CSTPP1: variants seen among roughly 807,000 people sequenced by gnomAD.
CSTPP1 encodes UPF0705 protein C11orf49.
the CSTPP1 span, chr11:47,159,574 A>G: frequency 2.2e-6 from 1 of 455,108 alleles, no homozygotes; most frequent in South Asian, 1.6e-5. Flanking sequence ...GGCGGGTGGG[A>G]TCTGCCCTGG....
the CSTPP1 span, among the ~76,000 whole-genome samples, chr11:47,144,980 A>ATT: frequency 0.26 from 24,345 of 92,496 alleles, 6,716 homozygotes; most frequent in Non-Finnish European, 0.36. Context: ...ATTGCCTGCC[A>ATT]TTTTTTTTTT....
the CSTPP1 span, among the ~76,000 whole-genome samples, chr11:46,978,579 C>T: frequency 6.6e-6 from 1 of 152,206 alleles, no homozygotes; most frequent in African/African-American, 2.4e-5. Context: ...TTGTTCCAAC[C>T]ATTTGCCCCA....
chr11:47,090,148 A>C, the CSTPP1 span, among the ~76,000 whole-genome samples: 4 of 152,002 alleles, frequency 2.6e-5, no homozygotes, highest in African/African-American at 7.3e-5. Context: ...TGCCCAGCTA[A>C]TTTTTTGTGT....
At chr11:47,003,235 G>T in the CSTPP1 span, among the ~76,000 whole-genome samples, 2 of 152,322 alleles carry the variant, frequency 1.3e-5, no homozygotes, top group African/African-American at 4.8e-5. Flanking sequence ...TCCATAATTT[G>T]CTCAGAACTC....
chr11:47,074,515 A>AAC, the CSTPP1 span, among the ~76,000 whole-genome samples: 11 of 145,160 alleles, frequency 7.6e-5, no homozygotes, highest in Admixed American at 2.8e-4. Flanking sequence ...AAAAAAAAAA[A>AAC]AAAAAACAGA....
chr11:47,152,334 T>C, the CSTPP1 span, among the ~76,000 whole-genome samples: 2 of 152,198 alleles, frequency 1.3e-5, no homozygotes, highest in East Asian at 3.9e-4. Context: ...TCCCACGGTG[T>C]GCGCCCCCTC....
chr11:47,162,997 T>A, the CSTPP1 span, among the ~76,000 whole-genome samples: 16 of 151,964 alleles, frequency 1.1e-4, no homozygotes, highest in East Asian at 2.5e-3. Flanking sequence ...CTGGGAAACA[T>A]AGTAGGACCC....
the CSTPP1 span, among the ~76,000 whole-genome samples, chr11:47,071,485 C>T: frequency 1.3e-5 from 2 of 152,344 alleles, no homozygotes; most frequent in African/African-American, 4.8e-5. Context: ...ACTGCTCTGT[C>T]AAAGTCTGTT....
At chr11:47,101,190 ATTTTATTTTT>A in the CSTPP1 span, among the ~76,000 whole-genome samples, 77 of 62,584 alleles carry the variant, frequency 1.2e-3, no homozygotes, top group African/African-American at 4.5e-3. Context: ...TTTTTTTTTT[ATTTTATTTTT>A]AGTAGAGATG....
the CSTPP1 span, chr11:47,157,244 GC>G: frequency 7.2e-6 from 11 of 1,533,974 alleles, 1 homozygote; most frequent in South Asian, 9.0e-5. Context: ...GCAGCCCCCA[GC>G]CCCCCAGCCC....
At chr11:47,056,666 G>A in the CSTPP1 span, among the ~76,000 whole-genome samples, 1 of 152,162 alleles carries the variant, frequency 6.6e-6, no homozygotes, top group Non-Finnish European at 1.5e-5. Context: ...AAAATAATTG[G>A]TTAAGTAGCT....
At chr11:46,936,927 C>A in the CSTPP1 span, 4 of 234,816 alleles carry the variant, frequency 1.7e-5, no homozygotes, top group Admixed American at 1.5e-4. Context: ...GAGGCGGGGG[C>A]GGGGTCTGAG....
At chr11:47,015,248 C>T in the CSTPP1 span, among the ~76,000 whole-genome samples, 9 of 151,812 alleles carry the variant, frequency 5.9e-5, no homozygotes, top group East Asian at 1.9e-4. Flanking sequence ...GCAGGGGGAT[C>T]GCGAGGTCAG....
the CSTPP1 span, among the ~76,000 whole-genome samples, chr11:46,952,970 G>T: frequency 3.9e-5 from 6 of 152,272 alleles, no homozygotes; most frequent in African/African-American, 1.2e-4. Flanking sequence ...AATAAAGAAA[G>T]ATATTTATCT....
At chr11:47,063,529 A>G in the CSTPP1 span, among the ~76,000 whole-genome samples, 2 of 152,092 alleles carry the variant, frequency 1.3e-5, no homozygotes, top group African/African-American at 4.8e-5. Flanking sequence ...TACTTTCTGT[A>G]TCTATGTATT....
the CSTPP1 span, among the ~76,000 whole-genome samples, chr11:47,068,126 G>T: frequency 2.6e-5 from 4 of 152,016 alleles, no homozygotes; most frequent in African/African-American, 7.2e-5. Context: ...AAATAACTCA[G>T]AAAGATCTGC....
chr11:47,048,478 G>A, the CSTPP1 span, among the ~76,000 whole-genome samples: 1 of 151,810 alleles, frequency 6.6e-6, no homozygotes, highest in Non-Finnish European at 1.5e-5. Flanking sequence ...TAAAAATTAT[G>A]AAGGAAGGAA....
chr11:46,995,960 C>T, the CSTPP1 span, among the ~76,000 whole-genome samples: 137 of 152,202 alleles, frequency 9.0e-4, no homozygotes, highest in African/African-American at 3.3e-3. Flanking sequence ...TCTGGGTGCT[C>T]CTGTATTGGG....
At chr11:47,110,984 G>A in the CSTPP1 span, among the ~76,000 whole-genome samples, 10 of 150,578 alleles carry the variant, frequency 6.6e-5, no homozygotes, top group Non-Finnish European at 7.4e-5. Context: ...CCGCCTCCCG[G>A]GTTCACGCCA....
Sources: gnomAD v4.1 joint callset for allele counts (sites outside exome capture counted in the v4.1 genomes callset) on GRCh38, gnomAD v4.1.1 for gene constraint, MANE v1.5 for transcripts, NCBI Gene and HGNC (gene_info 2026-07-23, HGNC 2026-07-21) for gene names.